The following ALDH3B1 variants were observed in gnomAD, a reference collection of about 807,000 sequenced individuals.
The protein encoded by ALDH3B1 is aldehyde dehydrogenase family 3 member B1.
ALDH3B1 carries 37 observed loss-of-function variants against 46.2 expected under a neutral mutation model. The ratio of observed to expected loss-of-function variants is 0.80; its 90% confidence interval spans 0.62 to 1.05. The LOEUF is 1.05. Among genes scored for constraint, ALDH3B1 ranks in the 50% least tolerant of loss-of-function variants. The pLI, the probability that ALDH3B1 is intolerant of heterozygous loss-of-function variation, is 0.00. For missense variants in ALDH3B1, 603 were observed against 665.5 expected, an observed-to-expected ratio of 0.91 and a Z score of 1.03; for synonymous variants, 283 against 281.0, an observed-to-expected ratio of 1.01 and a Z score of -0.07.
At position 68,018,789 on chromosome 11, in the gene ALDH3B1, C is replaced by T. The variant is rs1331003315; in HGVS notation, c.290C>T (p.Ser97Phe). The change falls in exon 4 of 10, where the codon TCC (serine) becomes TTC (phenylalanine). Residue 97 changes from serine to phenylalanine, a missense_variant. Transcript: ENST00000342456. ...VPKNLATQLD[S>F]AFIRKEPFGL... The stretch of plus-strand genomic sequence containing the variant: ...CCGGCCCAGGCCACGCAGCTGGACT[C>T]CGCCTTCATCCGGAAGGAGCCCTTT... The T allele has an allele frequency of 6.4e-7, 1 of 1,555,518 alleles. No homozygotes were observed. The highest frequency in any genetic ancestry group is 8.7e-7 in the Non-Finnish European group (1 of 1,149,616).
At chr11:68,018,502 C>A in intron 2 of ALDH3B1, 25 bp from the exon 3 acceptor site, 7 of 1,525,880 alleles carry the variant, frequency 4.6e-6, no homozygotes, top group Non-Finnish European at 6.2e-6. Context: ...TCCTGGCCCA[C>A]CCTGACCCCA....
intron 8 of ALDH3B1, 86 bp from the exon 9 acceptor site, chr11:68,025,922 CA>C: frequency 1.0e-6 from 1 of 961,810 alleles, no homozygotes; most frequent in East Asian, 3.1e-5. Flanking sequence ...AGATCAGTGT[CA>C]CAGAGTCCAG....
chr11:68,019,830 G>A (rs764346048), intron 6 of ALDH3B1, 34 bp downstream of exon 6: 1 of 1,608,544 alleles, frequency 6.2e-7, no homozygotes, highest in East Asian at 2.2e-5. Context: ...ACAGGCTGGG[G>A]TCGGGGAGGA....
chr11:68,026,153 T>C, intron 9 of ALDH3B1, 45 bp downstream of exon 9: 4 of 1,491,242 alleles, frequency 2.7e-6, no homozygotes, highest in Non-Finnish European at 3.6e-6. Flanking sequence ...TTGGTCAAAT[T>C]GCAATAGTGT....
Position 68,015,348 on chromosome 11 carries a change from G to C in ALDH3B1, c.51G>C (p.Ala17=), listed in dbSNP as rs1333725226. The change falls in exon 2 of 10, where the codon GCG becomes GCC. Residue 17 remains alanine (A), a synonymous_variant. Transcript: ENST00000342456. ...TLRRLREAFH[A]GRTRPAEFRA... is the part of the protein sequence containing the mutation. ...GGCGACTGCGGGAGGCCTTCCACGC[G>C]GGGCGCACGCGGCCAGCTGAGTTCC... The C allele has an allele frequency of 5.2e-6, 8 of 1,536,910 alleles. No individual in the cohort carries two copies. Among genetic ancestry groups the C allele is most frequent in the South Asian group, 1.2e-5 (1 of 82,716 alleles).
chr11:68,027,837 G>A lies in ALDH3B1; in HGVS notation c.1305G>A (p.Met435Ile). 1.3e-6 allele frequency: 2 copies of A among 1,555,012 alleles called. No individual in the cohort carries two copies. Among genetic ancestry groups the A allele is most frequent in the South Asian group, 1.2e-5 (1 of 84,288 alleles). ...HRACLLRSPGMEKLNALRYPP... is the reference protein window; with the variant it reads ...HRACLLRSPGIEKLNALRYPP... Reference sequence around the variant, plus strand: ...CCTGCCTCCTGCGCAGCCCGGGGATGGAGAAGCTCAACGCCCTCCGCTACC... The same window carrying A: ...CCTGCCTCCTGCGCAGCCCGGGGATAGAGAAGCTCAACGCCCTCCGCTACC... The change falls in exon 10 of 10, where the codon ATG becomes ATA. Residue 435 changes from methionine to isoleucine, a missense_variant. Met to Ile is a conservative substitution (Grantham distance 10, BLOSUM62 1). Coordinates refer to ENST00000342456, the MANE Select transcript of ALDH3B1 (RefSeq NM_000694.4).
intron 6 of ALDH3B1, 144 bp downstream of exon 6, chr11:68,019,940 C>CTGT: frequency 1.2e-6 from 1 of 868,354 alleles, no homozygotes; most frequent in South Asian, 1.6e-5. Context: ...AGTCCTGGAC[C>CTGT]CCCAGGACCC....
At chr11:68,012,337 G>A (rs192270905) in intron 1 of ALDH3B1, among the ~76,000 whole-genome samples, 1 of 152,326 alleles carries the variant, frequency 6.6e-6, no homozygotes, top group Admixed American at 6.5e-5. Context: ...ATGGGCACCT[G>A]AGTATTGTTT....
Position 68,028,120 on chromosome 11 carries a change from C to T in ALDH3B1, c.*181C>T, listed in dbSNP as rs776468909. On this transcript the variant is annotated 3_prime_UTR_variant, in exon 10 of 10. Transcript: ENST00000342456. ...CCCTCTCCCTGCCTCAGCCTCCTCC[C>T]TCAGCCGCTCCCAACCATGAGAGCC... The T allele has an allele frequency of 9.2e-5, 80 of 866,974 alleles. No individual in the cohort carries two copies. Among genetic ancestry groups the T allele is most frequent in the East Asian group, 8.9e-4 (37 of 41,400 alleles). 53.7% of individuals were successfully genotyped at this position (866,974 alleles called of 1,614,324 possible).
intron 6 of ALDH3B1, 108 bp from the exon 7 acceptor site, chr11:68,021,377 C>T (rs965654587): frequency 3.8e-5 from 56 of 1,488,966 alleles, no homozygotes; most frequent in Non-Finnish European, 4.9e-5. Context: ...GCGAGGGCTG[C>T]TGCCCGCTGA....
rs3751082 is a variant in ALDH3B1, at chr11:68,027,885, G to A, written c.1353G>A (p.Leu451=). Residue 451 remains leucine, a synonymous_variant, in exon 10 of 10, where the codon CTG becomes CTA. Coordinates refer to ENST00000342456, the MANE Select transcript of ALDH3B1 (RefSeq NM_000694.4). ...LRYPPQSPRR[L]RMLLVAMEAQ... ...ACCCGCCGCAATCGCCGCGCCGCCT[G>A]AGGATGCTGCTGGTGGCCATGGAGG... 304,867 of 1,563,316 alleles carry A rather than the reference G, an allele frequency of 0.2. 30,395 individuals carry two copies. Among genetic ancestry groups the A allele is most frequent in the East Asian group, 0.22 (9,047 of 41,976 alleles).
Position 68,021,662 on chromosome 11 carries a change from C to A in ALDH3B1, c.740C>A (p.Pro247His), listed in dbSNP as rs1040170511. ...YFNAGQTCVA[P>H]DYVLCSPEMQ... ...AACGCCGGCCAGACCTGCGTGGCCC[C>A]CGACTACGTCCTATGCAGCCCTGAG... Residue 247 changes from proline to histidine, a missense_variant, in exon 7 of 10, where the codon CCC becomes CAC. Physicochemically the swap from Pro to His is moderately conservative, Grantham distance 77. Coordinates refer to ENST00000342456, the MANE Select transcript of ALDH3B1 (RefSeq NM_000694.4). The A allele has an allele frequency of 1.2e-6, 2 of 1,613,986 alleles. No homozygotes were observed. The highest frequency in any genetic ancestry group is 1.7e-6 in the Non-Finnish European group (2 of 1,179,986).
chr11:68,011,083 T>C (rs535229438), intron 1 of ALDH3B1, among the ~76,000 whole-genome samples: 6 of 152,338 alleles, frequency 3.9e-5, no homozygotes, highest in African/African-American at 1.4e-4. Flanking sequence ...GGAGGCCTCA[T>C]GAAAATCCAG....
chr11:68,016,446 CCTT>C (rs1315647682), intron 2 of ALDH3B1: 2 of 152,508 alleles, frequency 1.3e-5, no homozygotes, highest in East Asian at 1.9e-4. Context: ...GAGGCCTTGG[CCTT>C]CTCTCTGGGT....
At chr11:68,021,344 AG>A in intron 6 of ALDH3B1, 140 bp from the exon 7 acceptor site, 1 of 1,254,264 alleles carries the variant, frequency 8.0e-7, no homozygotes, top group Non-Finnish European at 1.1e-6. Flanking sequence ...GCAGGGTGGC[AG>A]TGAGGAACAA....
intron 5 of ALDH3B1, 119 bp from the exon 6 acceptor site, chr11:68,019,596 C>A: frequency 8.9e-7 from 1 of 1,118,936 alleles, no homozygotes; most frequent in Non-Finnish European, 1.3e-6. Context: ...CCTCCTAGAG[C>A]CCTGGCTGGG....
At chr11:68,018,307 C>T (rs1370280781) in intron 2 of ALDH3B1, 6 of 566,698 alleles carry the variant, frequency 1.1e-5, no homozygotes, top group Middle Eastern at 9.4e-4. Flanking sequence ...TCACATGGAA[C>T]GACTGCCCCC....
rs1487152058 is a variant in ALDH3B1, at chr11:68,028,371, G to A, written c.*432G>A. ...TCAGTTTTTCCATTTGTTCAGTGGA[G>A]AGAATTAACCATTGATACCTCCTGG... On this transcript the variant is annotated 3_prime_UTR_variant, in exon 10 of 10. Coordinates refer to ENST00000342456, the MANE Select transcript of ALDH3B1 (RefSeq NM_000694.4). The A allele has an allele frequency of 5.7e-6, 2 of 350,488 alleles. No individual in the cohort carries two copies. The highest frequency in any genetic ancestry group is 4.3e-5 in the African/African-American group (2 of 46,888). 21.7% of individuals were successfully genotyped at this position (350,488 alleles called of 1,614,324 possible).
Position 68,019,742 on chromosome 11 carries a change from C to T in ALDH3B1, c.508C>T (p.Pro170Ser), listed in dbSNP as rs1182307668. ...QSCFAVVLGG[P>S]QETGQLLEHR... ...CTGCTTTGCTGTGGTGCTGGGCGGG[C>T]CCCAGGAGACGGGGCAGCTGCTAGA... The change falls in exon 6 of 10, where the codon CCC becomes TCC. Residue 170 changes from proline to serine, a missense_variant. Pro to Ser is a moderately conservative substitution (Grantham distance 74). Coordinates refer to ENST00000342456, the MANE Select transcript of ALDH3B1 (RefSeq NM_000694.4). The T allele has an allele frequency of 2.5e-6, 4 of 1,613,994 alleles. No individual in the cohort carries two copies. Among genetic ancestry groups the T allele is most frequent in the Admixed American group, 1.7e-5 (1 of 60,010 alleles).
Sources: gnomAD v4.1 joint callset for allele counts (sites outside exome capture counted in the v4.1 genomes callset) on GRCh38, gnomAD v4.1.1 for gene constraint, MANE v1.5 for transcripts, NCBI Gene and HGNC (gene_info 2026-07-23, HGNC 2026-07-21) for gene names.